RPSA2: variants seen among roughly 807,000 people sequenced by gnomAD.
RPSA2 encodes the protein ribosomal protein SA 2.
At chr19:23,758,981 A>G in the RPSA2 span, 1 of 594,730 alleles carries the variant, frequency 1.7e-6, no homozygotes, top group Admixed American at 3.1e-5. Flanking sequence ...TGACTGGATA[A>G]TGATTAAAAC....
the RPSA2 span, among the ~76,000 whole-genome samples, chr19:23,796,244 T>G: frequency 1.3e-5 from 2 of 152,238 alleles, no homozygotes; most frequent in Middle Eastern, 3.2e-3. Flanking sequence ...TCTTTAGTTC[T>G]GTTTATGTGA....
chr19:23,783,037 C>A, the RPSA2 span, among the ~76,000 whole-genome samples: 88 of 152,060 alleles, frequency 5.8e-4, 2 homozygotes, highest in Non-Finnish European at 1.3e-4. Context: ...CCATCACCTA[C>A]ATGGTGTTAC....
chr19:23,790,695 C>T, the RPSA2 span: 1 of 417,922 alleles, frequency 2.4e-6, no homozygotes, highest in Non-Finnish European at 4.6e-6. Context: ...ACTTAGAGTC[C>T]CAGCCTGTGT....
chr19:23,855,718 G>A, the RPSA2 span, among the ~76,000 whole-genome samples: 3 of 152,238 alleles, frequency 2.0e-5, no homozygotes, highest in South Asian at 4.1e-4. Flanking sequence ...GTGATTATTG[G>A]CGTCCATGCA....
At chr19:23,855,477 C>T in the RPSA2 span, among the ~76,000 whole-genome samples, 148,889 of 152,214 alleles carry the variant, frequency 0.98, 72,910 homozygotes, top group Middle Eastern at 1. Flanking sequence ...ATCCGAGCAT[C>T]AGGAGGTTCC....
the RPSA2 span, among the ~76,000 whole-genome samples, chr19:23,860,661 C>A: frequency 6.6e-6 from 1 of 152,172 alleles, no homozygotes; most frequent in African/African-American, 2.4e-5. Context: ...GTCTACTAAT[C>A]CATATTGCTT....
the RPSA2 span, among the ~76,000 whole-genome samples, chr19:23,836,957 C>T: frequency 6.6e-6 from 1 of 152,100 alleles, no homozygotes; most frequent in Non-Finnish European, 1.5e-5. Context: ...CTGACTGTTC[C>T]TTTTGCCATG....
the RPSA2 span, among the ~76,000 whole-genome samples, chr19:23,791,760 A>G: frequency 0.98 from 147,845 of 151,134 alleles, 72,405 homozygotes; most frequent in Middle Eastern, 1. Context: ...TATTGAGATG[A>G]AGGGAGACTT....
At chr19:23,800,644 A>C in the RPSA2 span, among the ~76,000 whole-genome samples, 2 of 149,180 alleles carry the variant, frequency 1.3e-5, no homozygotes, top group African/African-American at 5.0e-5. Context: ...ATGGAATTTC[A>C]CTCTTGTTGC....
At chr19:23,790,417 C>T in the RPSA2 span, among the ~76,000 whole-genome samples, 1 of 152,052 alleles carries the variant, frequency 6.6e-6, no homozygotes, top group Non-Finnish European at 1.5e-5. Flanking sequence ...TGGGGTGGGC[C>T]TGGCTCAGTT....
the RPSA2 span, among the ~76,000 whole-genome samples, chr19:23,841,362 G>T: frequency 6.6e-6 from 1 of 152,068 alleles, no homozygotes; most frequent in South Asian, 2.1e-4. Flanking sequence ...TACTCGGGAG[G>T]CTAAGGCAGG....
the RPSA2 span, among the ~76,000 whole-genome samples, chr19:23,767,926 C>T: frequency 6.6e-6 from 1 of 151,830 alleles, no homozygotes. Flanking sequence ...ACCAGCATGC[C>T]CAGCTAATTT....
the RPSA2 span, among the ~76,000 whole-genome samples, chr19:23,829,663 G>T: frequency 0.048 from 7,307 of 152,210 alleles, 321 homozygotes; most frequent in South Asian, 0.079. Context: ...ATGTCTAAAA[G>T]ATACAACAAT....
At chr19:23,777,732 A>G in the RPSA2 span, among the ~76,000 whole-genome samples, 1 of 152,160 alleles carries the variant, frequency 6.6e-6, no homozygotes, top group Non-Finnish European at 1.5e-5. Context: ...CCTTGCCCAC[A>G]AGAACATTGT....
chr19:23,794,009 C>A, the RPSA2 span, among the ~76,000 whole-genome samples: 1 of 152,086 alleles, frequency 6.6e-6, no homozygotes, highest in Non-Finnish European at 1.5e-5. Flanking sequence ...TGAGCTCAGG[C>A]AATCCACCTG....
the RPSA2 span, among the ~76,000 whole-genome samples, chr19:23,857,717 G>A: frequency 1.4e-3 from 217 of 151,718 alleles, no homozygotes; most frequent in Admixed American, 2.2e-3. Flanking sequence ...GGCTGGTCTC[G>A]AACTGCTGAC....
At chr19:23,780,696 C>T in the RPSA2 span, among the ~76,000 whole-genome samples, 3 of 151,992 alleles carry the variant, frequency 2.0e-5, no homozygotes, top group Non-Finnish European at 2.9e-5. Flanking sequence ...GAACATGTGG[C>T]CACATTTGAG....
chr19:23,786,197 A>G, the RPSA2 span, among the ~76,000 whole-genome samples: 1 of 152,234 alleles, frequency 6.6e-6, no homozygotes, highest in African/African-American at 2.4e-5. Flanking sequence ...CTCATGTGCC[A>G]ATCCAGTTCA....
the RPSA2 span, among the ~76,000 whole-genome samples, chr19:23,847,672 GGTCT>G: frequency 5.9e-5 from 9 of 152,084 alleles, no homozygotes; most frequent in Non-Finnish European, 1.2e-4. Flanking sequence ...GCAGATAACT[GGTCT>G]GACCAAAAAT....
Sources: gnomAD v4.1 joint callset for allele counts (sites outside exome capture counted in the v4.1 genomes callset) on GRCh38, gnomAD v4.1.1 for gene constraint, MANE v1.5 for transcripts, NCBI Gene and HGNC (gene_info 2026-07-23, HGNC 2026-07-21) for gene names.